GPM6A: variants seen among roughly 807,000 people sequenced by gnomAD.
GPM6A encodes the protein glycoprotein M6A.
Under a neutral mutation model 32.1 loss-of-function variants are expected in GPM6A, and 7 were observed. That is an observed-to-expected ratio of 0.22 (90% CI 0.12 to 0.41). The LOEUF (loss-of-function observed/expected upper bound fraction) is 0.41, where lower values mean the gene tolerates loss of function less well. GPM6A is among the 10% of genes least tolerant of loss of function. The pLI is 1.00. For synonymous variants in GPM6A, 130 were observed against 123.4 expected (o/e 1.05, Z -0.35); for missense variants, 235 against 347.2 (o/e 0.68, Z 2.57).
At chr4:175,685,305 A>T (rs1326640608) in intron 2 of GPM6A, among the ~76,000 whole-genome samples, 3 of 152,230 alleles carry the variant, frequency 2.0e-5, no homozygotes, top group Non-Finnish European at 4.4e-5. Context: ...GAGAGAATTA[A>T]CATTTTGATA....
chr4:175,912,762 C>T (rs748955113), intron 1 of GPM6A, among the ~76,000 whole-genome samples: 7 of 152,142 alleles, frequency 4.6e-5, no homozygotes, highest in Non-Finnish European at 1.0e-4. Flanking sequence ...CTTATCTCCT[C>T]ATATTCACAA....
At chr4:175,796,123 A>G (rs569540103) in intron 1 of GPM6A, among the ~76,000 whole-genome samples, 16 of 152,292 alleles carry the variant, frequency 1.1e-4, no homozygotes, top group African/African-American at 3.9e-4. Context: ...CTCTGTCTCC[A>G]CCACTTCTAC....
intron 4 of GPM6A, among the ~76,000 whole-genome samples, chr4:175,648,473 C>T (rs117054642): frequency 1.3e-5 from 2 of 152,160 alleles, no homozygotes; most frequent in Non-Finnish European, 2.9e-5. Flanking sequence ...AAACAGTAAG[C>T]AGTTTGGGAA....
At chr4:175,728,003 C>CAAAA (rs36001392) in intron 1 of GPM6A, among the ~76,000 whole-genome samples, 1 of 97,034 alleles carries the variant, frequency 1.0e-5, no homozygotes, top group Non-Finnish European at 2.1e-5. Context: ...GACTCCGTTT[C>CAAAA]AAAAAAAAAA....
chr4:175,851,430 G>C (rs142501969), intron 1 of GPM6A, among the ~76,000 whole-genome samples: 1 of 151,530 alleles, frequency 6.6e-6, no homozygotes, highest in Non-Finnish European at 1.5e-5. Flanking sequence ...GGTTGCAGTG[G>C]GCCGAGATTG....
intron 1 of GPM6A, among the ~76,000 whole-genome samples, chr4:175,899,717 A>T (rs573798382): frequency 6.6e-6 from 1 of 152,312 alleles, no homozygotes; most frequent in South Asian, 2.1e-4. Context: ...TACAAAAATC[A>T]AATCAAAATA....
At chr4:175,658,687 A>G (rs1742227402) in intron 3 of GPM6A, among the ~76,000 whole-genome samples, 1 of 152,186 alleles carries the variant, frequency 6.6e-6, no homozygotes, top group Admixed American at 6.5e-5. Context: ...GGGGCTATGT[A>G]AGAAATCCCT....
intron 1 of GPM6A, among the ~76,000 whole-genome samples, chr4:175,810,178 C>T (rs925429026): frequency 1.3e-5 from 2 of 152,156 alleles, no homozygotes; most frequent in African/African-American, 4.8e-5. Flanking sequence ...AGTAATTTCA[C>T]AGTTACAACC....
At chr4:175,987,680 A>T (rs1741021257) in intron 1 of GPM6A, among the ~76,000 whole-genome samples, 1 of 152,154 alleles carries the variant, frequency 6.6e-6, no homozygotes, top group African/African-American at 2.4e-5. Flanking sequence ...TACAAATAAC[A>T]TAACTAAACT....
chr4:175,671,624 G>A (rs1458954512), intron 3 of GPM6A, among the ~76,000 whole-genome samples: 1 of 152,064 alleles, frequency 6.6e-6, no homozygotes, highest in African/African-American at 2.4e-5. Flanking sequence ...GTGGGGGTGT[G>A]GAGGAATGGT....
At chr4:175,861,237 A>G (rs1736564096) in intron 1 of GPM6A, among the ~76,000 whole-genome samples, 1 of 151,964 alleles carries the variant, frequency 6.6e-6, no homozygotes, top group African/African-American at 2.4e-5. Context: ...AGACAAATAC[A>G]TATGAATTAT....
At chr4:175,873,923 C>T (rs1407119667) in intron 1 of GPM6A, among the ~76,000 whole-genome samples, 2 of 152,090 alleles carry the variant, frequency 1.3e-5, no homozygotes, top group Non-Finnish European at 2.9e-5. Flanking sequence ...ATTAGGGTGT[C>T]TATTTTCCCC....
intron 1 of GPM6A, among the ~76,000 whole-genome samples, chr4:175,932,346 G>C (rs1739078266): frequency 6.6e-6 from 1 of 152,090 alleles, no homozygotes; most frequent in East Asian, 1.9e-4. Flanking sequence ...TCTTCTGCCA[G>C]GCGAGGACTC....
At chr4:175,862,599 A>G (rs1338503986) in intron 1 of GPM6A, among the ~76,000 whole-genome samples, 1 of 152,172 alleles carries the variant, frequency 6.6e-6, no homozygotes, top group Non-Finnish European at 1.5e-5. Context: ...ACTTTCTTGT[A>G]CAAGTACTTT....
intron 1 of GPM6A, among the ~76,000 whole-genome samples, chr4:175,890,052 A>G (rs1737591828): frequency 6.6e-6 from 1 of 152,226 alleles, no homozygotes; most frequent in East Asian, 1.9e-4. Flanking sequence ...CAAAAGTTAT[A>G]TAACAAAATA....
intron 1 of GPM6A, among the ~76,000 whole-genome samples, chr4:175,866,941 T>A (rs1560971288): frequency 6.6e-6 from 1 of 152,184 alleles, no homozygotes; most frequent in East Asian, 1.9e-4. Context: ...TTGTCAGTAT[T>A]CCAGATTTTG....
At chr4:175,717,177 G>A (rs772841337) in intron 1 of GPM6A, among the ~76,000 whole-genome samples, 19 of 151,958 alleles carry the variant, frequency 1.3e-4, no homozygotes, top group East Asian at 1.9e-4. Context: ...CTTTCAATTC[G>A]TTGCAAACCA....
At chr4:175,748,991 A>G (rs1289354569) in intron 1 of GPM6A, among the ~76,000 whole-genome samples, 1 of 152,142 alleles carries the variant, frequency 6.6e-6, no homozygotes, top group Non-Finnish European at 1.5e-5. Context: ...GCTAATTTCC[A>G]TCTTCTCTTC....
chr4:175,747,399 A>T (rs909282712), intron 1 of GPM6A, among the ~76,000 whole-genome samples: 1 of 152,180 alleles, frequency 6.6e-6, no homozygotes, highest in Admixed American at 6.6e-5. Context: ...CTATACATAC[A>T]GTAGTATGCA....
Sources: gnomAD v4.1 joint callset for allele counts (sites outside exome capture counted in the v4.1 genomes callset) on GRCh38, gnomAD v4.1.1 for gene constraint, MANE v1.5 for transcripts, NCBI Gene and HGNC (gene_info 2026-07-23, HGNC 2026-07-21) for gene names.